The following NSL1 variants were observed in gnomAD, a reference collection of about 807,000 sequenced individuals.
NSL1 encodes NSL1 component of MIS12 kinetochore complex, also known as kinetochore-associated protein NSL1 homolog.
In NSL1, 11 loss-of-function variants were observed where a neutral mutation model predicts 25.4. The ratio of observed to expected loss-of-function variants is 0.43; its 90% confidence interval spans 0.27 to 0.72. NSL1 has a LOEUF of 0.72. Among genes scored for constraint, NSL1 ranks in the 30% least tolerant of loss-of-function variants. NSL1 has a pLI of 0.19. For synonymous variants in NSL1, 118 were observed against 120.6 expected (o/e 0.98, Z 0.14); for missense variants, 330 against 342.7 (o/e 0.96, Z 0.29).
chr1:212,742,371 G>A (rs2102431991), intron 4 of NSL1, among the ~76,000 whole-genome samples: 1 of 152,180 alleles, frequency 6.6e-6, no homozygotes, highest in Admixed American at 6.5e-5. Context: ...TAATAGATTA[G>A]ATTTATTTGA....
intron 4 of NSL1, among the ~76,000 whole-genome samples, chr1:212,749,471 G>GAGTGC (rs1323771236): frequency 2.6e-5 from 4 of 151,090 alleles, no homozygotes; most frequent in African/African-American, 9.7e-5. Flanking sequence ...ACCCAGGCCG[G>GAGTGC]AGTGCAGTGG....
Position 212,730,333 on chromosome 1 carries a change from A to G in NSL1, c.*8075T>C. 5.1e-6 allele frequency: 5 copies of G among 984,994 alleles called. No homozygotes were observed. The highest frequency in any genetic ancestry group is 6.0e-6 in the Non-Finnish European group (5 of 829,862). 61.0% of individuals were successfully genotyped at this position (984,994 alleles called of 1,614,324 possible). On this transcript the variant is annotated 3_prime_UTR_variant, in exon 6 of 6. Coordinates refer to ENST00000366977, the MANE Select transcript of NSL1 (RefSeq NM_015471.4). ...TGTGTGGAGGGTGGCATTCCCATCAAGGTGGCATCAGGGGCAGAAATGGAC... is the reference window on the plus strand; with the variant it reads ...TGTGTGGAGGGTGGCATTCCCATCAGGGTGGCATCAGGGGCAGAAATGGAC...
At chr1:212,771,304 A>C (rs1660098532) in intron 4 of NSL1, among the ~76,000 whole-genome samples, 1 of 152,128 alleles carries the variant, frequency 6.6e-6, no homozygotes, top group South Asian at 2.1e-4. Flanking sequence ...ATAAGTGCAA[A>C]ACTCCATCTC....
chr1:212,729,395 T>C lies in NSL1; in HGVS notation c.*9013A>G. ...TACATCCACACAGCTCTTAGCACAGTATTTAGATTCATCGAGTATGTGTGT... is the reference window on the plus strand; with the variant it reads ...TACATCCACACAGCTCTTAGCACAGCATTTAGATTCATCGAGTATGTGTGT... On this transcript the variant is annotated 3_prime_UTR_variant, in exon 6 of 6. Transcript: ENST00000366977. 2.0e-6 allele frequency: 2 copies of C among 983,666 alleles called. No individual in the cohort carries two copies. Among genetic ancestry groups the C allele is most frequent in the Non-Finnish European group, 2.4e-6 (2 of 828,346 alleles). 60.9% of individuals were successfully genotyped at this position (983,666 alleles called of 1,614,324 possible). A position where few individuals can be genotyped will look rare whatever the true frequency, so the allele number is the denominator to read the frequency against.
intron 4 of NSL1, among the ~76,000 whole-genome samples, chr1:212,768,855 C>T (rs575056780): frequency 1.3e-5 from 2 of 152,096 alleles, no homozygotes; most frequent in East Asian, 3.9e-4. Context: ...CCACCTGTGA[C>T]CCAAAAACTA....
intron 4 of NSL1, among the ~76,000 whole-genome samples, chr1:212,777,013 A>G (rs781545418): frequency 1.3e-5 from 2 of 151,938 alleles, no homozygotes; most frequent in African/African-American, 2.4e-5. Context: ...AACAAACAAA[A>G]AAATTAGAGA....
In NSL1 at chr1:212,790,799, T is replaced by C. The variant is rs562171394; in HGVS notation, c.234+731A>G. On this transcript the variant is annotated intron_variant, in intron 1 of 5. Transcript: ENST00000366977. Reference sequence around the variant, plus strand: ...TTAGCCGGGCGTGGTGGCAGGCGCCTGGAGTCCCAGCTACTCAGGAGGCTG... The same window carrying C: ...TTAGCCGGGCGTGGTGGCAGGCGCCCGGAGTCCCAGCTACTCAGGAGGCTG... 1.8e-4 allele frequency among the ~76,000 whole-genome samples: 28 copies of C among 151,908 alleles called. No homozygotes were observed. The East Asian group carries it at 3.5e-3, about 19-fold the overall frequency.
intron 4 of NSL1, among the ~76,000 whole-genome samples, chr1:212,770,756 G>A (rs10127703): frequency 0.18 from 27,237 of 152,018 alleles, 2,763 homozygotes; most frequent in African/African-American, 0.29. Context: ...GAAAACTACA[G>A]GCCAATATCC....
In NSL1 at chr1:212,760,572, C is replaced by T. The variant is rs896816152; in HGVS notation, c.500-20971G>A. Among the ~76,000 whole-genome samples, 2 of 152,058 alleles carry T rather than the reference C, an allele frequency of 1.3e-5. No homozygotes were observed. Among genetic ancestry groups the T allele is most frequent in the Non-Finnish European group, 2.9e-5 (2 of 67,990 alleles). ...TCACCACCACCATCACCGCCAGGAC[C>T]CCCCTAAATGTGCTCTGGGGGGACT... On this transcript the variant is annotated intron_variant, in intron 4 of 5. Transcript: ENST00000366977. The surrounding 1 kb of genome is among the most constrained non-coding windows in gnomAD (Gnocchi z 4.3).
chr1:212,773,011 G>C (rs1415658043), intron 4 of NSL1, among the ~76,000 whole-genome samples: 6 of 152,088 alleles, frequency 3.9e-5, no homozygotes, highest in African/African-American at 1.2e-4. Context: ...AATAAAACTA[G>C]ACTCCTATCT....
At chr1:212,776,177 A>C (rs916040498) in intron 4 of NSL1, among the ~76,000 whole-genome samples, 1 of 152,130 alleles carries the variant, frequency 6.6e-6, no homozygotes, top group Non-Finnish European at 1.5e-5. Context: ...CAGCCTGACC[A>C]ACATGGTGAA....
chr1:212,758,628 G>C (rs542392073), intron 4 of NSL1, among the ~76,000 whole-genome samples: 12 of 152,170 alleles, frequency 7.9e-5, no homozygotes, highest in African/African-American at 1.2e-4. Context: ...AAACACTGTT[G>C]AAATAAATCA....
At chr1:212,747,120 C>T (rs139356532) in intron 4 of NSL1, among the ~76,000 whole-genome samples, 3,101 of 138,690 alleles carry the variant, frequency 0.022, 58 homozygotes, top group Middle Eastern at 0.058. Flanking sequence ...CCAGCCTGGG[C>T]GACAGAGCAA....
intron 4 of NSL1, among the ~76,000 whole-genome samples, chr1:212,753,620 C>T (rs1659166309): frequency 6.6e-6 from 1 of 152,130 alleles, no homozygotes. Context: ...ACATTGAGAA[C>T]AGTTCTGTCA....
chr1:212,779,590 C>A (rs1279195820), intron 4 of NSL1, among the ~76,000 whole-genome samples: 1 of 122,048 alleles, frequency 8.2e-6, no homozygotes, highest in African/African-American at 3.3e-5. Context: ...CCAGCCACCC[C>A]GTCCGGGAGG....
chr1:212,758,463 A>T (rs1659413509), intron 4 of NSL1, among the ~76,000 whole-genome samples: 2 of 152,268 alleles, frequency 1.3e-5, no homozygotes, highest in African/African-American at 2.4e-5. Context: ...ACATGGTTGT[A>T]AGATACAAGA....
Position 212,735,949 on chromosome 1 carries a change from T to C in NSL1, c.*2459A>G. 2 of 985,436 alleles carry C rather than the reference T, an allele frequency of 2.0e-6. No homozygotes were observed. Among genetic ancestry groups the C allele is most frequent in the Non-Finnish European group, 2.4e-6 (2 of 829,912 alleles). 61.0% of individuals were successfully genotyped at this position (985,436 alleles called of 1,614,324 possible). On this transcript the variant is annotated 3_prime_UTR_variant, in exon 6 of 6. Transcript: ENST00000366977. The stretch of plus-strand genomic sequence containing the variant: ...TGGTATTCTGTTATAGTAGCCTAAA[T>C]AAACAAATGTAGATTTTGGTACCAG...
intron 4 of NSL1, among the ~76,000 whole-genome samples, chr1:212,752,284 G>A (rs1321116349): frequency 6.6e-6 from 1 of 152,172 alleles, no homozygotes; most frequent in African/African-American, 2.4e-5. Flanking sequence ...CCAGTGGGAA[G>A]TGTATTTCAA....
At position 212,738,696 on chromosome 1, in the gene NSL1, A is replaced by T. The variant is rs1658352089; in HGVS notation, c.568-10T>A. On this transcript the variant is annotated splice_polypyrimidine_tract_variant and intron_variant, in intron 5 of 5. Transcript: ENST00000366977. ...TTAATGCAGGCAAGGACTTCAAACA[A>T]ACAAACAGTAATATTCAACATTAAT... is the stretch of plus-strand genomic sequence containing the variant. The T allele has an allele frequency of 6.2e-7, 1 of 1,605,804 alleles. No individual in the cohort carries two copies. The highest frequency in any genetic ancestry group is 1.7e-4 in the Middle Eastern group (1 of 6,024).
Sources: gnomAD v4.1 joint callset for allele counts (sites outside exome capture counted in the v4.1 genomes callset) on GRCh38, gnomAD v4.1.1 for gene constraint, Gnocchi (gnomAD v3.1) non-coding constraint, MANE v1.5 for transcripts, NCBI Gene and HGNC (gene_info 2026-07-23, HGNC 2026-07-21) for gene names.